Variants in TRMT44 observed in about 807,000 individuals in gnomAD.
The protein encoded by TRMT44 is tRNA methyltransferase 44 homolog, also known as probable tRNA (uracil-O(2)-)-methyltransferase.
A neutral mutation model predicts 77.3 loss-of-function variants in TRMT44; 78 were observed. That is an observed-to-expected ratio of 1.01 (90% confidence interval 0.84 to 1.22). TRMT44 has a LOEUF of 1.22. Ranked by LOEUF, TRMT44 falls within the 50% of genes most tolerant of loss-of-function variation. The probability of loss-of-function intolerance (pLI) is 0.00; values close to 1 mark genes in which losing one functional copy is unlikely to be tolerated. For missense variants in TRMT44, 1,090 were observed against 964.4 expected (o/e 1.13, Z -1.73); for synonymous variants, 391 against 383.3 (o/e 1.02, Z -0.23).
At chr4:8,472,900 TG>T (rs1203157331) in intron 10 of TRMT44, among the ~76,000 whole-genome samples, 18 of 152,216 alleles carry the variant, frequency 1.2e-4, no homozygotes, top group African/African-American at 4.1e-4. Context: ...TCCCAACACT[TG>T]TTTTTGTTGG....
At chr4:8,472,709 C>G (rs1404313757) in intron 10 of TRMT44, among the ~76,000 whole-genome samples, 1 of 152,172 alleles carries the variant, frequency 6.6e-6, no homozygotes, top group African/African-American at 2.4e-5. Context: ...GCCTGTGTTT[C>G]TCGGGGCAGG....
intron 3 of TRMT44, 73 bp downstream of exon 3, chr4:8,449,961 T>C (rs1725332807): frequency 4.8e-4 from 377 of 790,770 alleles, no homozygotes; most frequent in Middle Eastern, 1.3e-3. Flanking sequence ...TTTTTTTTTT[T>C]TTTTTTTTTT....
At position 8,444,401 on chromosome 4, in the gene TRMT44, C is replaced by CT. The variant is rs1242579405; in HGVS notation, c.620-2060dup. ...TATAATGAATAATAACTTAATTGTA[C>CT]TTTTTTTTTTTTTTTGAGAGTAGTC... On this transcript the variant is annotated intron_variant, in intron 1 of 10. Coordinates refer to ENST00000389737, the MANE Select transcript of TRMT44 (RefSeq NM_152544.3). The surrounding 1 kb of genome is among the most constrained non-coding windows in gnomAD (Gnocchi z 4.0). Among the ~76,000 whole-genome samples, 744 of 141,450 alleles carry CT rather than the reference C, an allele frequency of 5.3e-3. 5 individuals carry two copies. Among genetic ancestry groups the CT allele is most frequent in the East Asian group, 0.031 (151 of 4,916 alleles). 92.8% of individuals were successfully genotyped at this position (141,450 alleles called of 152,430 possible). A position where few individuals can be genotyped will look rare whatever the true frequency, so the allele number is the denominator to read the frequency against.
Position 8,487,061 on chromosome 4 carries a change from G to A in TRMT44, n.3892-6205G>A, listed in dbSNP as rs1727833048. ...ACAGAGACTAGGAAGGGACTGATGT[G>A]TAAAAGAATGCCTGGACGTCAGGCA... On this transcript the variant is annotated intron_variant and non_coding_transcript_variant, in intron 2 of 2. Transcript: ENST00000511366. 3.9e-5 allele frequency among the ~76,000 whole-genome samples: 6 copies of A among 152,194 alleles called. No individual in the cohort carries two copies. In the South Asian group the frequency reaches 1.0e-3, roughly 26 times the overall value.
At chr4:8,448,781 C>T (rs1259901121) in intron 2 of TRMT44, among the ~76,000 whole-genome samples, 1 of 152,234 alleles carries the variant, frequency 6.6e-6, no homozygotes, top group Non-Finnish European at 1.5e-5. Flanking sequence ...GAAACCACAG[C>T]TCTCACCAGA....
chr4:8,509,957 G>C, the TRMT44 span, among the ~76,000 whole-genome samples: 1 of 152,206 alleles, frequency 6.6e-6, no homozygotes, highest in Non-Finnish European at 1.5e-5. Context: ...GCCAGGTGGG[G>C]TGGAGTGTGA....
chr4:8,448,916 T>C (rs1725242991), intron 2 of TRMT44, among the ~76,000 whole-genome samples: 1 of 152,230 alleles, frequency 6.6e-6, no homozygotes, highest in South Asian at 2.1e-4. Flanking sequence ...CTTAGGAATG[T>C]CCGTTGAATG....
intron 9 of TRMT44, among the ~76,000 whole-genome samples, chr4:8,468,752 C>G (rs938264988): frequency 6.6e-6 from 1 of 152,218 alleles, no homozygotes; most frequent in Admixed American, 6.5e-5. Flanking sequence ...TCTTTGAAAT[C>G]CCCAAAACAC....
chr4:8,508,376 G>T, the TRMT44 span, among the ~76,000 whole-genome samples: 2 of 152,208 alleles, frequency 1.3e-5, no homozygotes, highest in African/African-American at 2.4e-5. Context: ...GGTGGGTCTG[G>T]GTGCCATGGG....
chr4:8,453,039 C>A, intron 5 of TRMT44, 50 bp downstream of exon 5: 1 of 1,179,506 alleles, frequency 8.5e-7, no homozygotes. Flanking sequence ...AGAGTTTCCT[C>A]AAGTCAGGCA....
At chr4:8,480,975 C>T (rs1381050120), downstream of TRMT44, among the ~76,000 whole-genome samples, 1 of 152,222 alleles carries the variant, frequency 6.6e-6, no homozygotes, top group Non-Finnish European at 1.5e-5. Flanking sequence ...TAAAGAATCT[C>T]TGTTAACATA....
In TRMT44 at chr4:8,465,330, G is replaced by C. The variant is rs28612613; in HGVS notation, c.1311-48G>C. 988 of 1,536,890 alleles carry C rather than the reference G, an allele frequency of 6.4e-4. 10 individuals are homozygous for C. The African/African-American group carries it at 0.012, about 18-fold the overall frequency. ...GGCTTTGTTCCGAATTTCCTTGACT[G>C]CGTCTGCTCAGGATGCTTGACCCTG... is the stretch of plus-strand genomic sequence containing the variant. On this transcript the variant is annotated intron_variant, in intron 7 of 10. Transcript: ENST00000389737.
chr4:8,488,746 G>C (rs927734074), intron 2 of TRMT44, among the ~76,000 whole-genome samples: 3 of 152,210 alleles, frequency 2.0e-5, no homozygotes, highest in African/African-American at 7.2e-5. Context: ...TGCAGCCCTA[G>C]ATGCCATCCT....
chr4:8,458,066 A>G lies in TRMT44; in HGVS notation c.1203+3253A>G, dbSNP rs187956243. 6.3e-4 allele frequency among the ~76,000 whole-genome samples: 94 copies of G among 149,168 alleles called. 1 individual carries two copies. Among genetic ancestry groups the G allele is most frequent in the Admixed American group, 5.7e-3 (87 of 15,226 alleles). ...GTAAAAGAGACAGTGCCAGAAAGCA[A>G]ATTAACAGACAGTGTGGCAGAAGGG... is the stretch of plus-strand genomic sequence containing the variant. On this transcript the variant is annotated intron_variant, in intron 6 of 10. Transcript: ENST00000389737.
chr4:8,513,578 C>T, the TRMT44 span, among the ~76,000 whole-genome samples: 1 of 152,166 alleles, frequency 6.6e-6, no homozygotes, highest in Non-Finnish European at 1.5e-5. Flanking sequence ...CATCAAAAGC[C>T]ACCATGGAGA....
At chr4:8,490,156 C>T (rs1450338599) in intron 2 of TRMT44, among the ~76,000 whole-genome samples, 2 of 152,112 alleles carry the variant, frequency 1.3e-5, no homozygotes, top group Admixed American at 6.5e-5. Context: ...GGCACCCGTT[C>T]CTTGGCCACC....
chr4:8,487,719 C>T (rs1350639590), intron 2 of TRMT44, among the ~76,000 whole-genome samples: 1 of 151,990 alleles, frequency 6.6e-6, no homozygotes, highest in African/African-American at 2.4e-5. Context: ...GGGGTTCTTG[C>T]CCCTGCCTCA....
At chr4:8,447,663 T>C (rs536819231) in intron 2 of TRMT44, among the ~76,000 whole-genome samples, 133 of 152,300 alleles carry the variant, frequency 8.7e-4, no homozygotes, top group Middle Eastern at 3.4e-3. Flanking sequence ...TGTTGCAGCC[T>C]TCGTGCTTGA....
chr4:8,472,591 G>A (rs1727087022), intron 10 of TRMT44, among the ~76,000 whole-genome samples: 1 of 152,132 alleles, frequency 6.6e-6, no homozygotes, highest in South Asian at 2.1e-4. Flanking sequence ...CACACACACT[G>A]CCTTTGTGTG....
Sources: gnomAD v4.1 joint callset for allele counts (sites outside exome capture counted in the v4.1 genomes callset) on GRCh38, gnomAD v4.1.1 for gene constraint, Gnocchi (gnomAD v3.1) non-coding constraint, MANE v1.5 for transcripts, NCBI Gene and HGNC (gene_info 2026-07-23, HGNC 2026-07-21) for gene names.